RNF182: variants seen among roughly 807,000 people sequenced by gnomAD.
RNF182 encodes ring finger protein 182.
In RNF182, 15 loss-of-function variants were observed where a neutral mutation model predicts 14.4. The observed-to-expected ratio is 1.04, with a 90% CI of 0.70 to 1.60. The LOEUF is 1.60. Among genes scored for constraint, RNF182 ranks in the 40% most tolerant of loss-of-function variants. The pLI, the probability that RNF182 is intolerant of heterozygous loss-of-function variation, is 0.00. For missense variants in RNF182, 268 were observed against 294.8 expected (o/e 0.91, Z 0.67); for synonymous variants, 128 against 122.9 (o/e 1.04, Z -0.27).
At chr6:13,933,876 G>A (rs918654044) in intron 1 of RNF182, among the ~76,000 whole-genome samples, 1 of 152,082 alleles carries the variant, frequency 6.6e-6, no homozygotes, top group African/African-American at 2.4e-5. Context: ...AAATTAGCTA[G>A]GCCTGGTGGC....
intron 1 of RNF182, among the ~76,000 whole-genome samples, chr6:13,947,166 TTA>T (rs1354829724): frequency 2.0e-5 from 3 of 152,214 alleles, no homozygotes; most frequent in Non-Finnish European, 4.4e-5. Context: ...ATTCAGATTT[TTA>T]TGTTAATCAT....
At chr6:13,969,270 G>A (rs1432979896) in intron 1 of RNF182, among the ~76,000 whole-genome samples, 3 of 152,024 alleles carry the variant, frequency 2.0e-5, no homozygotes, top group Non-Finnish European at 4.4e-5. Context: ...TCCCTGTCCT[G>A]TCCTGTCTTG....
In RNF182 at chr6:13,977,233, G is replaced by A. The variant is rs542059808; in HGVS notation, c.114G>A (p.Glu38=). The A allele has an allele frequency of 7.4e-6, 12 of 1,614,208 alleles. No homozygotes were observed. In the African/African-American group the frequency reaches 1.1e-4, roughly 14 times the overall value. The change falls in exon 3 of 3, where the codon GAG becomes GAA. Residue 38 remains glutamate, a synonymous_variant. Coordinates refer to ENST00000488300, the MANE Select transcript of RNF182 (RefSeq NM_152737.4). ...AACAGAGGAAACCCAAAGTGCTGGA[G>A]TGTTGTCATAGGGTTTGTGCCAAAT... ...NLKQRKPKVL[E]CCHRVCAKCL...
Position 13,953,725 on chromosome 6 carries a change from G to A in RNF182, c.-366-20485G>A, listed in dbSNP as rs555191016. Reference sequence around the variant, plus strand: ...GAGGAACATGGGAAGGCATAGATGCGCCTTCTCTGCATTCCTTAGCACTCT... The same window carrying A: ...GAGGAACATGGGAAGGCATAGATGCACCTTCTCTGCATTCCTTAGCACTCT... On this transcript the variant is annotated intron_variant, in intron 1 of 2. Transcript: ENST00000488300. 1.4e-3 allele frequency among the ~76,000 whole-genome samples: 220 copies of A among 152,252 alleles called. 2 individuals carry two copies. Among genetic ancestry groups the A allele is most frequent in the African/African-American group, 4.9e-3 (204 of 41,552 alleles).
In RNF182 at chr6:13,954,829, A is replaced by G; in HGVS notation, c.-366-19381A>G. Among the ~76,000 whole-genome samples the G allele has an allele frequency of 1.3e-5, 2 of 152,158 alleles. 1 individual carries two copies. The highest frequency in any genetic ancestry group is 3.9e-4 in the East Asian group (2 of 5,192). Reference sequence around the variant, plus strand: ...TTTTCTGTCCCCTGTATTTCCTGTGAACAGGTAATGAGAACCTGAGGTTTG... The same window carrying G: ...TTTTCTGTCCCCTGTATTTCCTGTGGACAGGTAATGAGAACCTGAGGTTTG... On this transcript the variant is annotated intron_variant, in intron 1 of 2. Coordinates refer to ENST00000488300, the MANE Select transcript of RNF182 (RefSeq NM_152737.4).
rs1045702364 is a variant in RNF182 at position 13,941,926 on chromosome 6, C to T, written c.-367+16903C>T. Among the ~76,000 whole-genome samples, 20 of 152,024 alleles carry T rather than the reference C, an allele frequency of 1.3e-4. 1 individual carries two copies. Among genetic ancestry groups the T allele is most frequent in the Middle Eastern group, 6.3e-3 (2 of 316 alleles). On this transcript the variant is annotated intron_variant, in intron 1 of 2. Transcript: ENST00000488300. Reference sequence around the variant, plus strand: ...ACAGTTAGTATTTATCTATATTTATCATTTATTTTCATTCCTTCATGTAAG... The same window carrying T: ...ACAGTTAGTATTTATCTATATTTATTATTTATTTTCATTCCTTCATGTAAG...
intron 1 of RNF182, among the ~76,000 whole-genome samples, chr6:13,962,490 TAATC>T (rs1182514763): frequency 9.8e-5 from 15 of 152,342 alleles, no homozygotes; most frequent in African/African-American, 2.6e-4. Flanking sequence ...TAGAAACTGA[TAATC>T]AAGAAGTGAA....
chr6:13,949,317 T>C, intron 1 of RNF182: 1 of 774,636 alleles, frequency 1.3e-6, no homozygotes, highest in Non-Finnish European at 2.4e-6. Context: ...CATCCTGCGG[T>C]AATCTTTAAT....
intron 1 of RNF182, among the ~76,000 whole-genome samples, chr6:13,944,795 A>G (rs1451340012): frequency 6.6e-6 from 1 of 152,236 alleles, no homozygotes; most frequent in Non-Finnish European, 1.5e-5. Flanking sequence ...GTTCAGGGTC[A>G]TATAGTCAGT....
chr6:13,962,673 A>G (rs555803369), intron 1 of RNF182, among the ~76,000 whole-genome samples: 24 of 152,356 alleles, frequency 1.6e-4, no homozygotes, highest in Non-Finnish European at 2.1e-4. Context: ...CTCATCATCT[A>G]GAAAGCAGTG....
rs535215421 is a variant in RNF182, at chr6:13,953,724, C to T, written c.-366-20486C>T. 4.6e-5 allele frequency among the ~76,000 whole-genome samples: 7 copies of T among 152,264 alleles called. No individual in the cohort carries two copies. In the East Asian group the frequency reaches 5.8e-4, roughly 13 times the overall value. ...TGAGGAACATGGGAAGGCATAGATG[C>T]GCCTTCTCTGCATTCCTTAGCACTC... is the stretch of plus-strand genomic sequence containing the variant. On this transcript the variant is annotated intron_variant, in intron 1 of 2. Coordinates refer to ENST00000488300, the MANE Select transcript of RNF182 (RefSeq NM_152737.4).
At chr6:13,967,421 G>T (rs1168530074) in intron 1 of RNF182, among the ~76,000 whole-genome samples, 1 of 152,188 alleles carries the variant, frequency 6.6e-6, no homozygotes, top group Non-Finnish European at 1.5e-5. Context: ...GTTATAGTGA[G>T]ACACTTAAAT....
intron 1 of RNF182, among the ~76,000 whole-genome samples, chr6:13,945,269 G>A (rs1186871299): frequency 6.6e-6 from 1 of 152,164 alleles, no homozygotes; most frequent in African/African-American, 2.4e-5. Flanking sequence ...GCTTGATTTA[G>A]CCAAAAATTA....
At chr6:13,975,018 T>C (rs1276005695) in intron 2 of RNF182, among the ~76,000 whole-genome samples, 1 of 152,150 alleles carries the variant, frequency 6.6e-6, no homozygotes, top group East Asian at 1.9e-4. Flanking sequence ...TCCATTTGGG[T>C]GGGCTGAAGT....
At chr6:13,943,710 A>G (rs1309443690) in intron 1 of RNF182, among the ~76,000 whole-genome samples, 3 of 152,212 alleles carry the variant, frequency 2.0e-5, no homozygotes, top group Non-Finnish European at 4.4e-5. Flanking sequence ...ATAATGTTAA[A>G]GTTTTGCAGC....
chr6:13,955,388 C>T (rs1461081179), intron 1 of RNF182, among the ~76,000 whole-genome samples: 2 of 152,198 alleles, frequency 1.3e-5, no homozygotes, highest in Non-Finnish European at 2.9e-5. Flanking sequence ...AAAGGCATAA[C>T]AGAAAGGAAG....
intron 1 of RNF182, among the ~76,000 whole-genome samples, chr6:13,964,310 T>G (rs1219915529): frequency 1.3e-5 from 2 of 152,204 alleles, no homozygotes; most frequent in African/African-American, 4.8e-5. Flanking sequence ...AAAGTGAATT[T>G]CAGAAACAGT....
At chr6:13,956,046 C>T (rs1429040249) in intron 1 of RNF182, among the ~76,000 whole-genome samples, 1 of 152,212 alleles carries the variant, frequency 6.6e-6, no homozygotes, top group Admixed American at 6.5e-5. Flanking sequence ...TTCAGTACTT[C>T]TCTTTCTGTG....
intron 1 of RNF182, among the ~76,000 whole-genome samples, chr6:13,956,312 CT>C (rs200201661): frequency 0.012 from 1,609 of 139,786 alleles, 10 homozygotes; most frequent in East Asian, 0.048. Context: ...CTGTTCTTTG[CT>C]TTTTTTTTTT....
Sources: allele counts gnomAD v4.1 joint callset (sites outside exome capture counted in the v4.1 genomes callset), GRCh38; gene constraint gnomAD v4.1.1; transcripts MANE v1.5; gene names NCBI Gene and HGNC (gene_info 2026-07-23, HGNC 2026-07-21).